Variants in AUNIP observed in about 807,000 individuals in gnomAD.
The protein encoded by AUNIP is aurora kinase A and ninein interacting protein.
Under a neutral mutation model 12.2 loss-of-function variants are expected in AUNIP, and 16 were observed. The observed-to-expected ratio is 1.31, with a 90% CI of 0.88 to 1.99. The LOEUF (loss-of-function observed/expected upper bound fraction) is 1.99. Ranked by LOEUF, AUNIP falls within the 30% of genes most tolerant of loss-of-function variation. The probability of loss-of-function intolerance (pLI) is 0.00; values close to 1 mark genes in which losing one functional copy is unlikely to be tolerated. For missense variants in AUNIP, 411 were observed against 419.1 expected (o/e 0.98, Z 0.17); for synonymous variants, 142 against 154.8 (o/e 0.92, Z 0.61).
downstream of AUNIP, among the ~76,000 whole-genome samples, chr1:25,833,669 A>T (rs2048273105): frequency 6.6e-6 from 1 of 151,890 alleles, no homozygotes; most frequent in South Asian, 2.1e-4. Flanking sequence ...TGGGAGAATC[A>T]CTTGCGCCCA....
chr1:25,839,158 CAAAT>C (rs1055279496), intron 1 of AUNIP, among the ~76,000 whole-genome samples: 3 of 152,104 alleles, frequency 2.0e-5, no homozygotes, highest in Admixed American at 6.5e-5. Flanking sequence ...AAAAGGGAAA[CAAAT>C]AAGGTGAGCC....
downstream of AUNIP, among the ~76,000 whole-genome samples, chr1:25,833,246 C>T (rs1345334256): frequency 6.6e-6 from 1 of 151,974 alleles, no homozygotes; most frequent in Admixed American, 6.6e-5. Context: ...TCCTGAGTAG[C>T]TGGGACTACA....
chr1:25,835,790 T>G lies in AUNIP; in HGVS notation c.277A>C (p.Asn93His). The G allele has an allele frequency of 4.3e-6, 7 of 1,614,252 alleles. No individual in the cohort carries two copies. The highest frequency in any genetic ancestry group is 5.9e-6 in the Non-Finnish European group (7 of 1,180,046). The part of the protein sequence containing the change: ...SVSSHTESQI[N>H]KESKKNATQL... The stretch of plus-strand genomic sequence containing the variant: ...GTCGCATTTTTCTTGGACTCTTTGT[T>G]GATCTGACTTTCTGTATGAGATGAA... The change falls in exon 3 of 3, where the codon AAC becomes CAC. Residue 93 changes from asparagine to histidine, a missense_variant. Coordinates refer to ENST00000374298, the MANE Select transcript of AUNIP (RefSeq NM_024037.3).
At chr1:25,833,992 A>G (rs1363200188), downstream of AUNIP, 11 of 974,002 alleles carry the variant, frequency 1.1e-5, no homozygotes, top group Non-Finnish European at 1.3e-5. Flanking sequence ...TTAATTACCA[A>G]TTATCACAAG....
At chr1:25,853,936 C>T (rs2048440445) in intron 1 of AUNIP, among the ~76,000 whole-genome samples, 1 of 152,166 alleles carries the variant, frequency 6.6e-6, no homozygotes, top group Admixed American at 6.5e-5. Flanking sequence ...CAAGTTACGG[C>T]CCGGCGCAGT....
In AUNIP at chr1:25,836,857, C is replaced by G. The variant is rs926850585; in HGVS notation, c.220+556G>C. On this transcript the variant is annotated intron_variant, in intron 2 of 2. Transcript: ENST00000374298. ...ACACCCGGCATTAGAGCACTCTTCC[C>G]AACACCCTCCAAGTGGCAGGAACCC... Among the ~76,000 whole-genome samples the G allele has an allele frequency of 5.3e-5, 8 of 152,132 alleles. No individual in the cohort carries two copies. The South Asian group carries it at 1.7e-3, about 31-fold the overall frequency.
At chr1:25,848,431 G>A (rs1186472331) in intron 1 of AUNIP, among the ~76,000 whole-genome samples, 3 of 139,454 alleles carry the variant, frequency 2.2e-5, no homozygotes, top group Non-Finnish European at 4.5e-5. Flanking sequence ...GCAGTGAGTT[G>A]AGATCGTGCC....
intron 1 of AUNIP, among the ~76,000 whole-genome samples, chr1:25,843,106 A>T (rs2048356622): frequency 6.6e-6 from 1 of 151,012 alleles, no homozygotes; most frequent in Non-Finnish European, 1.5e-5. Context: ...TCTTGAGCCC[A>T]GGCTGGAGTG....
chr1:25,846,301 C>A (rs1185942730), intron 1 of AUNIP, among the ~76,000 whole-genome samples: 1 of 151,418 alleles, frequency 6.6e-6, no homozygotes, highest in African/African-American at 2.4e-5. Context: ...CACCTGTAGT[C>A]CCAGCTACTT....
Position 25,834,231 on chromosome 1 carries a change from G to A in AUNIP, c.*762C>T, listed in dbSNP as rs147878262. On this transcript the variant is annotated 3_prime_UTR_variant, in exon 3 of 3. Coordinates refer to ENST00000374298, the MANE Select transcript of AUNIP (RefSeq NM_024037.3). ...TCTCTTCTCTCCACACCTGGGTTGTGGGGAGATTTGCTAATCACTGAAAAA... is the reference window on the plus strand; with the variant it reads ...TCTCTTCTCTCCACACCTGGGTTGTAGGGAGATTTGCTAATCACTGAAAAA... The A allele has an allele frequency of 0.011, 10,730 of 985,280 alleles. 273 individuals are homozygous for A. The Admixed American group carries it at 0.15, about 13-fold the overall frequency. 61.0% of individuals were successfully genotyped at this position (985,280 alleles called of 1,614,324 possible).
chr1:25,834,888 T>A lies in AUNIP; in HGVS notation c.*105A>T. Reference sequence around the variant, plus strand: ...GCTCAGTAATGACAACTTCATCCCATGCCACCTTCCCACCTAAACAAACTC... The same window carrying A: ...GCTCAGTAATGACAACTTCATCCCAAGCCACCTTCCCACCTAAACAAACTC... On this transcript the variant is annotated 3_prime_UTR_variant, in exon 3 of 3. Coordinates refer to ENST00000374298, the MANE Select transcript of AUNIP (RefSeq NM_024037.3). The A allele has an allele frequency of 6.6e-7, 1 of 1,518,106 alleles. No individual in the cohort carries two copies. The highest frequency in any genetic ancestry group is 8.8e-7 in the Non-Finnish European group (1 of 1,139,892). The allele number at this position is 1,518,106 out of a possible 1,614,324, so 94.0% of individuals were successfully genotyped here.
intron 1 of AUNIP, among the ~76,000 whole-genome samples, chr1:25,842,997 A>G (rs939182018): frequency 3.3e-5 from 5 of 151,990 alleles, no homozygotes; most frequent in Non-Finnish European, 7.4e-5. Context: ...CCTGGGCAAC[A>G]TGGTGAGACT....
rs764126620 is a variant in AUNIP, at chr1:25,847,869, CG to C, written c.79-10316del. ...CTGAGGTGAGAGAATCGATTGAGCC[CG>C]GGAGGCAGAGGTTGCAGTGAGCCAA... is the stretch of plus-strand genomic sequence containing the variant. On this transcript the variant is annotated intron_variant, in intron 1 of 2. Coordinates refer to ENST00000374298, the MANE Select transcript of AUNIP (RefSeq NM_024037.3). This position sits in a 1 kb window ranked among gnomAD's most constrained non-coding sequence, Gnocchi z 4.2. Among the ~76,000 whole-genome samples, 6 of 151,994 alleles carry C rather than the reference CG, an allele frequency of 3.9e-5. No homozygotes were observed. The highest frequency in any genetic ancestry group is 8.8e-5 in the Non-Finnish European group (6 of 67,994).
At chr1:25,850,253 C>T (rs11247816) in intron 1 of AUNIP, among the ~76,000 whole-genome samples, 35,177 of 151,922 alleles carry the variant, frequency 0.23, 4,519 homozygotes, top group African/African-American at 0.33. Flanking sequence ...ACCATAAATA[C>T]AAGGGTTTAC....
chr1:25,833,854 TCAA>T (rs2048275318), downstream of AUNIP, among the ~76,000 whole-genome samples: 1 of 151,894 alleles, frequency 6.6e-6, no homozygotes, highest in Non-Finnish European at 1.5e-5. Context: ...AGATACCACA[TCAA>T]CAACAAGGAA....
chr1:25,857,492 G>A (rs976543858), intron 1 of AUNIP, among the ~76,000 whole-genome samples: 4 of 150,130 alleles, frequency 2.7e-5, no homozygotes, highest in African/African-American at 9.7e-5. Flanking sequence ...CAGGTGATCC[G>A]CCCGCCTCGG....
At chr1:25,832,036 G>A (rs2048250315), downstream of AUNIP, 1 of 1,613,988 alleles carries the variant, frequency 6.2e-7, no homozygotes, top group South Asian at 1.1e-5. Context: ...ACAACCCTCA[G>A]CTCTGCAAAC....
At chr1:25,837,075 A>C (rs1334942704) in intron 2 of AUNIP, among the ~76,000 whole-genome samples, 1 of 152,214 alleles carries the variant, frequency 6.6e-6, no homozygotes, top group Non-Finnish European at 1.5e-5. Flanking sequence ...CAGAGTACCC[A>C]CTGTGGCCAA....
intron 1 of AUNIP, among the ~76,000 whole-genome samples, chr1:25,855,414 A>T (rs1023733317): frequency 6.6e-6 from 1 of 152,022 alleles, no homozygotes; most frequent in African/African-American, 2.4e-5. Context: ...CAAAGTGCTG[A>T]GCTTCCCAAA....
Sources: allele counts gnomAD v4.1 joint callset (sites outside exome capture counted in the v4.1 genomes callset), GRCh38; gene constraint gnomAD v4.1.1; non-coding constraint Gnocchi (gnomAD v3.1); transcripts MANE v1.5; gene names NCBI Gene and HGNC (gene_info 2026-07-23, HGNC 2026-07-21).